The following ZNF654 variants were observed in gnomAD, a reference collection of about 807,000 sequenced individuals.
The protein encoded by ZNF654 is melanoma-associated antigen.
In ZNF654, 19 loss-of-function variants were observed where a neutral mutation model predicts 95.3. The observed-to-expected ratio is 0.20, with a 90% CI of 0.14 to 0.29. The LOEUF (loss-of-function observed/expected upper bound fraction) is 0.29, where lower values mean the gene tolerates loss of function less well. Among genes scored for constraint, ZNF654 ranks in the 10% least tolerant of loss-of-function variants. The probability of loss-of-function intolerance (pLI) is 1.00; values close to 1 mark genes in which losing one functional copy is unlikely to be tolerated. For missense variants in ZNF654, 1,046 were observed against 1,341.0 expected, an observed-to-expected ratio of 0.78 and a Z score of 3.44; for synonymous variants, 413 against 457.9, an observed-to-expected ratio of 0.90 and a Z score of 1.25.
chr3:88,067,430 A>G lies in ZNF654; in HGVS notation c.186+7925A>G, dbSNP rs553135949. ...CGGTTATCATAGCCGTGTGGATGGTATTCGAAGTCATATGTGTGAATGAGC... is the reference window on the plus strand; with the variant it reads ...CGGTTATCATAGCCGTGTGGATGGTGTTCGAAGTCATATGTGTGAATGAGC... On this transcript the variant is annotated intron_variant, in intron 1 of 8. Coordinates refer to ENST00000636215, the MANE Select transcript of ZNF654 (RefSeq NM_001350134.2). 5.8e-4 allele frequency among the ~76,000 whole-genome samples: 88 copies of G among 152,240 alleles called. 2 individuals carry two copies. In the South Asian group the frequency reaches 8.5e-3, roughly 15 times the overall value.
At chr3:88,103,334 A>G (rs1394067876) in intron 2 of ZNF654, among the ~76,000 whole-genome samples, 1 of 152,236 alleles carries the variant, frequency 6.6e-6, no homozygotes, top group Non-Finnish European at 1.5e-5. Flanking sequence ...AAATAGACAC[A>G]TTAACAGATG....
chr3:88,110,467 T>C (rs1352942835), intron 2 of ZNF654, among the ~76,000 whole-genome samples: 1 of 152,146 alleles, frequency 6.6e-6, no homozygotes. Context: ...CATGTAATTT[T>C]CACCCACCAT....
intron 2 of ZNF654, among the ~76,000 whole-genome samples, chr3:88,104,798 A>G (rs575809853): frequency 1.3e-5 from 2 of 152,344 alleles, no homozygotes; most frequent in South Asian, 4.1e-4. Context: ...AGACAGAACA[A>G]ACAAAACTAT....
intron 2 of ZNF654, among the ~76,000 whole-genome samples, chr3:88,108,886 C>A (rs1704908292): frequency 6.6e-6 from 1 of 152,158 alleles, no homozygotes; most frequent in African/African-American, 2.4e-5. Flanking sequence ...AACAAATTTC[C>A]TATCTCTGAA....
intron 1 of ZNF654, among the ~76,000 whole-genome samples, chr3:88,076,848 A>G (rs1707831424): frequency 6.6e-6 from 1 of 152,208 alleles, no homozygotes; most frequent in Admixed American, 6.5e-5. Context: ...CATAAGAGGA[A>G]AGTTGGATCT....
chr3:88,080,460 T>C (rs775814286), intron 1 of ZNF654, among the ~76,000 whole-genome samples: 9 of 152,172 alleles, frequency 5.9e-5, no homozygotes, highest in Non-Finnish European at 1.3e-4. Context: ...ATATATGTCT[T>C]ATTTAAATTT....
intron 3 of ZNF654, among the ~76,000 whole-genome samples, chr3:88,116,947 C>A (rs1474048832): frequency 6.6e-6 from 1 of 152,098 alleles, no homozygotes; most frequent in Non-Finnish European, 1.5e-5. Flanking sequence ...AGGATAAATA[C>A]CTCAGTTATC....
chr3:88,100,038 A>G (rs1182486909), intron 2 of ZNF654, among the ~76,000 whole-genome samples: 1 of 152,208 alleles, frequency 6.6e-6, no homozygotes, highest in African/African-American at 2.4e-5. Flanking sequence ...TGAACAGGCA[A>G]CCTGCAGAAT....
rs1387931253 is a variant in ZNF654 at position 88,130,695 on chromosome 3, A to G, written c.893+869A>G. ...GGTTTGGAACTCCTTGGGCTCAAGT[A>G]AATCTGCCCTCCTCAGCCTCCCAAA... is the stretch of plus-strand genomic sequence containing the variant. On this transcript the variant is annotated intron_variant, in intron 6 of 8. Coordinates refer to ENST00000636215, the MANE Select transcript of ZNF654 (RefSeq NM_001350134.2). Among the ~76,000 whole-genome samples the G allele has an allele frequency of 3.3e-5, 5 of 150,248 alleles. No homozygotes were observed. In the East Asian group the frequency reaches 9.8e-4, roughly 30 times the overall value.
chr3:88,129,041 C>T, intron 5 of ZNF654, 30 bp downstream of exon 5: 27 of 1,452,978 alleles, frequency 1.9e-5, no homozygotes, highest in Non-Finnish European at 2.5e-5. Flanking sequence ...TTGCCTATTA[C>T]CATTTTAACC....
chr3:88,129,084 C>T, intron 5 of ZNF654, 73 bp downstream of exon 5: 1 of 1,084,096 alleles, frequency 9.2e-7, no homozygotes, highest in Non-Finnish European at 1.3e-6. Context: ...AAAAAGTAGC[C>T]CACTGTTGTT....
In ZNF654 at chr3:88,138,762, G is replaced by A. The variant is rs943063247; in HGVS notation, c.1093G>A (p.Asp365Asn). The A allele has an allele frequency of 4.1e-6, 5 of 1,231,796 alleles. No homozygotes were observed. The African/African-American group carries it at 4.7e-5, about 11-fold the overall frequency. 76.3% of individuals were successfully genotyped at this position (1,231,796 alleles called of 1,614,324 possible). Residue 365 changes from aspartate to asparagine, a missense_variant, in exon 8 of 9, where the codon GAC becomes AAC. Asp to Asn is a conservative substitution (Grantham distance 23, BLOSUM62 1). This residue lies in a region of ZNF654 where 78 missense variants were observed against 154.2 expected (regional missense o/e 0.51). Transcript: ENST00000636215. ...VEICGCALQL[D>N]LHDDPKTKCL... ...AATATGTGGTTGTGCTCTACAACTC[G>A]ACCTTCATGATGATCCCAAAACTAA...
intron 2 of ZNF654, among the ~76,000 whole-genome samples, chr3:88,093,374 A>G (rs1038687544): frequency 7.2e-5 from 11 of 152,274 alleles, no homozygotes; most frequent in African/African-American, 2.4e-4. Context: ...CTTTTACCCA[A>G]CAGAAAGTAA....
rs1706965688 is a variant in ZNF654 at position 88,138,998 on chromosome 3, G to C, written c.1329G>C (p.Lys443Asn). Reference protein sequence around the residue: ...VRFELLPILKKGLFFDPEFWN... With the variant: ...VRFELLPILKNGLFFDPEFWN... ...TTGAATTGCTTCCAATTTTGAAAAA[G>C]GGATTGTTTTTTGACCCTGAATTTT... The change falls in exon 8 of 9, where the codon AAG becomes AAC. Residue 443 changes from lysine to asparagine, a missense_variant. By Grantham distance (94) the Lys-to-Asn change is moderately conservative. Transcript: ENST00000636215. 1 of 1,245,200 alleles carries C rather than the reference G, an allele frequency of 8.0e-7. No individual in the cohort carries two copies. The highest frequency in any genetic ancestry group is 4.0e-5 in the Admixed American group (1 of 25,060). 77.1% of individuals were successfully genotyped at this position (1,245,200 alleles called of 1,614,324 possible).
At chr3:88,068,252 T>TA (rs1338062425) in intron 1 of ZNF654, among the ~76,000 whole-genome samples, 2 of 152,080 alleles carry the variant, frequency 1.3e-5, no homozygotes, top group Admixed American at 6.5e-5. Flanking sequence ...AAAAATGAGT[T>TA]ACATTCATTC....
intron 3 of ZNF654, among the ~76,000 whole-genome samples, chr3:88,123,532 A>AC (rs1446322236): frequency 4.6e-5 from 7 of 152,158 alleles, no homozygotes; most frequent in African/African-American, 1.7e-4. Flanking sequence ...TTAAATATTC[A>AC]AATTATCAGG....
At chr3:88,085,649 C>A (rs1223293048) in intron 1 of ZNF654, among the ~76,000 whole-genome samples, 2 of 152,128 alleles carry the variant, frequency 1.3e-5, no homozygotes, top group Non-Finnish European at 2.9e-5. Context: ...TTGTCATCTC[C>A]ATTTTATGGT....
At chr3:88,126,404 A>T in intron 4 of ZNF654, 135 bp downstream of exon 4, 1 of 1,037,728 alleles carries the variant, frequency 9.6e-7, no homozygotes, top group East Asian at 3.1e-5. Context: ...TTTCACATGA[A>T]AAGTGTTTGT....
At chr3:88,059,568 G>T in intron 1 of ZNF654, 63 bp downstream of exon 1, 1 of 1,443,444 alleles carries the variant, frequency 6.9e-7, no homozygotes, top group Non-Finnish European at 9.0e-7. Context: ...GCGTCTCCTG[G>T]TCTTCTCGTC....
Sources: allele counts gnomAD v4.1 joint callset (sites outside exome capture counted in the v4.1 genomes callset), GRCh38; gene constraint gnomAD v4.1.1; regional missense constraint gnomAD v4.1.1; transcripts MANE v1.5; gene names NCBI Gene and HGNC (gene_info 2026-07-23, HGNC 2026-07-21).